Variants in PCDHGA4 observed in about 807,000 individuals in gnomAD.
PCDHGA4 encodes the protein protocadherin gamma-A4.
In PCDHGA4, 38 loss-of-function variants were observed where a neutral mutation model predicts 54.6. The ratio of observed to expected loss-of-function variants is 0.70; its 90% CI spans 0.54 to 0.91. The LOEUF (loss-of-function observed/expected upper bound fraction) is 0.91, where lower values mean the gene tolerates loss of function less well. Among genes scored for constraint, PCDHGA4 ranks in the 40% least tolerant of loss-of-function variants. PCDHGA4 has a pLI of 0.00. For synonymous variants in PCDHGA4, 511 were observed against 512.9 expected (o/e 1.00, Z 0.05); for missense variants, 1,298 against 1,220.9 (o/e 1.06, Z -0.94).
chr5:141,385,066 C>T, intron 1 of PCDHGA4: 2 of 1,614,194 alleles, frequency 1.2e-6, no homozygotes, highest in South Asian at 1.1e-5. Context: ...GCACAAGTCA[C>T]GCCTGCTGCA....
At chr5:141,400,360 C>T (rs1327384409) in intron 1 of PCDHGA4, 2 of 1,614,030 alleles carry the variant, frequency 1.2e-6, no homozygotes, top group East Asian at 2.2e-5. Context: ...GGGGACTTTG[C>T]CTTATTCCTA....
In PCDHGA4 at chr5:141,394,620, T is replaced by C. The variant is rs775736772; in HGVS notation, c.2514+36999T>C. The C allele has an allele frequency of 8.1e-6, 13 of 1,613,124 alleles. 1 individual carries two copies. In the South Asian group the frequency reaches 1.4e-4, roughly 18 times the overall value. ...GGACAGAGACTCGGGCCAGAACGCC[T>C]GGCTGTCCTACCGCCTGCTCAAGGC... On this transcript the variant is annotated intron_variant, in intron 1 of 3. Coordinates refer to ENST00000571252, the MANE Select transcript of PCDHGA4 (RefSeq NM_018917.4).
intron 3 of PCDHGA4, among the ~76,000 whole-genome samples, chr5:141,509,732 C>T (rs931066969): frequency 3.9e-5 from 6 of 152,182 alleles, no homozygotes; most frequent in Non-Finnish European, 5.9e-5. Flanking sequence ...CTAGCTGTGG[C>T]ACTCTGAGCC....
At chr5:141,371,063 C>T (rs774821524) in intron 1 of PCDHGA4, 2 of 1,613,962 alleles carry the variant, frequency 1.2e-6, no homozygotes, top group South Asian at 2.2e-5. Context: ...CCTCCAGAAG[C>T]TGTACCACCC....
intron 1 of PCDHGA4, chr5:141,426,320 G>A (rs2096927622): frequency 1.1e-5 from 2 of 175,034 alleles, no homozygotes; most frequent in South Asian, 1.3e-4. Context: ...AGCAGGACCC[G>A]GCAGTGGCAA....
rs752629029 is a variant in PCDHGA4 at position 141,355,350 on chromosome 5, G to T, written c.243G>T (p.Lys81Asn). 6 of 1,614,046 alleles carry T rather than the reference G, an allele frequency of 3.7e-6. No homozygotes were observed. The East Asian group carries it at 1.3e-4, about 36-fold the overall frequency. ...GCTCAGTGGTGGGCAACATCGCCAA[G>T]GACCTGGGGTTGGCGCCCCGGGAGC... ...EEGSVVGNIAKDLGLAPRELA... is the reference protein window; with the variant it reads ...EEGSVVGNIANDLGLAPRELA... Residue 81 changes from lysine (K) to asparagine (N), a missense_variant, in exon 1 of 4, where the codon AAG becomes AAT. Coordinates refer to ENST00000571252, the MANE Select transcript of PCDHGA4 (RefSeq NM_018917.4).
chr5:141,488,040 G>A (rs1212272063), intron 1 of PCDHGA4, among the ~76,000 whole-genome samples: 1 of 152,112 alleles, frequency 6.6e-6, no homozygotes, highest in Non-Finnish European at 1.5e-5. Flanking sequence ...CATTTCCCAA[G>A]GGATTGAGGG....
Position 141,375,861 on chromosome 5 carries a change from C to A in PCDHGA4, c.2514+18240C>A, listed in dbSNP as rs567912144. 1.5e-5 allele frequency: 24 copies of A among 1,613,986 alleles called. 2 individuals are homozygous for A. In the South Asian group the frequency reaches 2.0e-4, roughly 13 times the overall value. On this transcript the variant is annotated intron_variant, in intron 1 of 3. Coordinates refer to ENST00000571252, the MANE Select transcript of PCDHGA4 (RefSeq NM_018917.4). ...GGCTACCTGGTGACCAAGGTGGTGG[C>A]GGTGGACAGAGACTCGGGCCAGAAC...
intron 1 of PCDHGA4, chr5:141,383,656 G>C: frequency 1.2e-6 from 2 of 1,614,008 alleles, no homozygotes; most frequent in South Asian, 1.1e-5. Flanking sequence ...AACTGTCCCC[G>C]AGAATGTGCC....
rs773609097 is a variant in PCDHGA4 at position 141,408,614 on chromosome 5, A to C, written c.2514+50993A>C. 2.2e-5 allele frequency: 36 copies of C among 1,614,008 alleles called. No individual in the cohort carries two copies. Among genetic ancestry groups the C allele is most frequent in the Non-Finnish European group, 3.1e-5 (36 of 1,179,890 alleles). On this transcript the variant is annotated intron_variant, in intron 1 of 3. Coordinates refer to ENST00000571252, the MANE Select transcript of PCDHGA4 (RefSeq NM_018917.4). The stretch of plus-strand genomic sequence containing the variant: ...CGCCCCTCAATTTGATAAAAAGGAA[A>C]TACATTTAGAAATTTTCGAATCTGC...
chr5:141,417,004 AT>A (rs1462550813), intron 1 of PCDHGA4: 1 of 149,888 alleles, frequency 6.7e-6, no homozygotes, highest in African/African-American at 2.5e-5. Context: ...ATCTCAAATA[AT>A]TCTATTATTT....
chr5:141,394,502 G>T, intron 1 of PCDHGA4: 1 of 1,614,226 alleles, frequency 6.2e-7, no homozygotes, highest in Non-Finnish European at 8.5e-7. Flanking sequence ...CCGAGATCCT[G>T]TACCCCGCCC....
At chr5:141,392,644 A>C in intron 1 of PCDHGA4, 1 of 663,560 alleles carries the variant, frequency 1.5e-6, no homozygotes, top group Non-Finnish European at 2.4e-6. Flanking sequence ...CACCTCACGA[A>C]GACCCGCAGA....
At position 141,357,430 on chromosome 5, in the gene PCDHGA4, G is replaced by A. The variant is rs772627679; in HGVS notation, c.2323G>A (p.Asp775Asn). ...GVPASHFVGVDGVRAFLQTYS... is the reference protein window; with the variant it reads ...GVPASHFVGVNGVRAFLQTYS... ...GCCTGCCTCGCACTTTGTGGGCGTG[G>A]ACGGGGTTCGGGCTTTCCTGCAGAC... is the stretch of plus-strand genomic sequence containing the variant. Residue 775 changes from aspartate to asparagine, a missense_variant, in exon 1 of 4, where the codon GAC (aspartate) becomes AAC (asparagine). By Grantham distance (23) the Asp-to-Asn change is conservative. Coordinates refer to ENST00000571252, the MANE Select transcript of PCDHGA4 (RefSeq NM_018917.4). 25 of 1,614,218 alleles carry A rather than the reference G, an allele frequency of 1.5e-5. No individual in the cohort carries two copies. The South Asian group carries it at 2.6e-4, about 17-fold the overall frequency.
chr5:141,407,954 G>A, intron 1 of PCDHGA4: 1 of 640,866 alleles, frequency 1.6e-6, no homozygotes, highest in East Asian at 3.0e-5. Flanking sequence ...GTCGGCCAGT[G>A]CAGAGCAAGC....
chr5:141,361,697 A>T, intron 1 of PCDHGA4: 1 of 1,613,448 alleles, frequency 6.2e-7, no homozygotes. Flanking sequence ...CGCGCCTTCG[A>T]TCATGAGCAG....
At chr5:141,438,605 T>TAC (rs2098010130) in intron 1 of PCDHGA4, among the ~76,000 whole-genome samples, 1 of 27,802 alleles carries the variant, frequency 3.6e-5, no homozygotes. Flanking sequence ...TATATATATA[T>TAC]ATATATATAT....
At chr5:141,505,827 TCA>T (rs1197972266) in intron 3 of PCDHGA4, among the ~76,000 whole-genome samples, 4 of 152,072 alleles carry the variant, frequency 2.6e-5, no homozygotes, top group South Asian at 4.1e-4. Context: ...TCTCTAAACC[TCA>T]GTTTCCTCAG....
intron 1 of PCDHGA4, chr5:141,417,545 T>C: frequency 3.2e-6 from 1 of 312,052 alleles, no homozygotes; most frequent in East Asian, 5.5e-5. Context: ...AAAAAATTCC[T>C]TGAAAGAGGT....
Sources: allele counts gnomAD v4.1 joint callset (sites outside exome capture counted in the v4.1 genomes callset), GRCh38; gene constraint gnomAD v4.1.1; transcripts MANE v1.5; gene names NCBI Gene and HGNC (gene_info 2026-07-23, HGNC 2026-07-21).